NRXN3: variants seen among roughly 807,000 people sequenced by gnomAD.
The protein encoded by NRXN3 is neurexin III.
NRXN3 carries 32 observed loss-of-function variants against 137.6 expected under a neutral mutation model. That is an observed-to-expected ratio of 0.23 (90% CI 0.18 to 0.31). The LOEUF (loss-of-function observed/expected upper bound fraction) is 0.31. Among genes scored for constraint, NRXN3 ranks in the 10% least tolerant of loss-of-function variants. NRXN3 has a pLI of 1.00. For missense variants in NRXN3, 1,574 were observed against 2,062.5 expected (o/e 0.76, Z 4.59); for synonymous variants, 798 against 784.5 (o/e 1.02, Z -0.29).
intron 15 of NRXN3, chr14:79,280,099 C>A (rs905581826): frequency 2.3e-6 from 3 of 1,301,654 alleles, no homozygotes; most frequent in Non-Finnish European, 2.0e-6. Context: ...TGCCTTTTAT[C>A]TTTTTTTTTT....
chr14:78,335,570 A>T (rs1223627922), intron 4 of NRXN3, among the ~76,000 whole-genome samples: 1 of 152,246 alleles, frequency 6.6e-6, no homozygotes, highest in Non-Finnish European at 1.5e-5. Flanking sequence ...TTAGTTCAAA[A>T]GCTTTGATTA....
At chr14:78,354,562 A>G (rs971355319) in intron 4 of NRXN3, among the ~76,000 whole-genome samples, 1 of 152,156 alleles carries the variant, frequency 6.6e-6, no homozygotes, top group Non-Finnish European at 1.5e-5. Flanking sequence ...ACAATCTCGA[A>G]TGATCATTGG....
intron 15 of NRXN3, among the ~76,000 whole-genome samples, chr14:79,268,647 A>T (rs1462320056): frequency 6.6e-6 from 1 of 152,198 alleles, no homozygotes; most frequent in African/African-American, 2.4e-5. Context: ...TGCACACATA[A>T]ATTGCATAGG....
At chr14:78,865,415 GA>G (rs1417181798) in intron 10 of NRXN3, among the ~76,000 whole-genome samples, 1 of 152,052 alleles carries the variant, frequency 6.6e-6, no homozygotes, top group East Asian at 1.9e-4. Context: ...ACAGAATTTT[GA>G]AAAATGCAAG....
chr14:79,308,093 G>T (rs2086440535), intron 15 of NRXN3, among the ~76,000 whole-genome samples: 1 of 152,004 alleles, frequency 6.6e-6, no homozygotes, highest in African/African-American at 2.4e-5. Flanking sequence ...TGAGGCTCAT[G>T]CATCTGAGCT....
At chr14:78,938,848 C>CTTT (rs1255540319) in intron 10 of NRXN3, among the ~76,000 whole-genome samples, 8 of 132,022 alleles carry the variant, frequency 6.1e-5, no homozygotes, top group South Asian at 2.5e-4. Flanking sequence ...AGTGATTTTT[C>CTTT]TTTTTTTTTT....
In NRXN3 at chr14:78,714,784, G is replaced by A. The variant is rs768400919; in HGVS notation, c.1689G>A (p.Thr563=). The stretch of plus-strand genomic sequence containing the variant: ...CTATATCAGTGAACAGCAGGCGCAC[G>A]CCATTCACCGCCAGTGGGGAGAGCG... ...SGTISVNSRR[T]PFTASGESEI... The change falls in exon 8 of 21, where the codon ACG becomes ACA. Residue 563 remains threonine, a synonymous_variant. Coordinates refer to ENST00000335750, the MANE Select transcript of NRXN3 (RefSeq NM_001330195.2). 12 of 1,613,926 alleles carry A rather than the reference G, an allele frequency of 7.4e-6. No homozygotes were observed. Among genetic ancestry groups the A allele is most frequent in the African/African-American group, 5.3e-5 (4 of 74,918 alleles).
chr14:79,135,845 A>G (rs2058167651), intron 15 of NRXN3, among the ~76,000 whole-genome samples: 1 of 152,224 alleles, frequency 6.6e-6, no homozygotes, highest in African/African-American at 2.4e-5. Context: ...AAGGCATGTC[A>G]GTTTTCTAAG....
At chr14:78,807,847 C>A (rs1293248806) in intron 9 of NRXN3, among the ~76,000 whole-genome samples, 1 of 151,582 alleles carries the variant, frequency 6.6e-6, no homozygotes, top group Admixed American at 6.6e-5. Context: ...AGGCAACACA[C>A]AGATATGAAC....
At chr14:78,303,705 T>G (rs2077092700) in intron 4 of NRXN3, among the ~76,000 whole-genome samples, 1 of 152,284 alleles carries the variant, frequency 6.6e-6, no homozygotes, top group Non-Finnish European at 1.5e-5. Context: ...GCCTTTGGAC[T>G]TTTGCTAAAG....
chr14:78,956,233 C>A (rs1597865503), intron 10 of NRXN3, among the ~76,000 whole-genome samples: 1 of 152,196 alleles, frequency 6.6e-6, no homozygotes, highest in Non-Finnish European at 1.5e-5. Flanking sequence ...CTACAAAGAG[C>A]AAACTTGGTC....
At chr14:79,437,517 T>C (rs2095864149) in intron 15 of NRXN3, among the ~76,000 whole-genome samples, 1 of 152,176 alleles carries the variant, frequency 6.6e-6, no homozygotes. Context: ...TGCAGTGTCT[T>C]CTCAGGTAAC....
intron 10 of NRXN3, among the ~76,000 whole-genome samples, chr14:78,917,485 T>C (rs1029041010): frequency 1.3e-5 from 2 of 152,206 alleles, no homozygotes; most frequent in Non-Finnish European, 2.9e-5. Context: ...GAAAGAAGCC[T>C]TATACAGAGG....
intron 15 of NRXN3, among the ~76,000 whole-genome samples, chr14:79,289,346 C>T (rs549787559): frequency 1.4e-4 from 21 of 152,262 alleles, no homozygotes; most frequent in South Asian, 2.1e-4. Flanking sequence ...ATTGGCTGGG[C>T]GCAGTGGCTC....
intron 6 of NRXN3, among the ~76,000 whole-genome samples, chr14:78,657,823 T>G (rs935024616): frequency 6.6e-6 from 1 of 152,222 alleles, no homozygotes; most frequent in African/African-American, 2.4e-5. Context: ...GATAATGTGT[T>G]TGTTGTTGCT....
chr14:79,412,748 A>AC (rs1465698059), intron 15 of NRXN3, among the ~76,000 whole-genome samples: 3 of 126,732 alleles, frequency 2.4e-5, no homozygotes, highest in African/African-American at 9.1e-5. Flanking sequence ...ACACCACTGC[A>AC]CTCCAGCCTG....
chr14:79,673,872 T>G (rs921931246), intron 17 of NRXN3, among the ~76,000 whole-genome samples: 1 of 152,044 alleles, frequency 6.6e-6, no homozygotes, highest in Non-Finnish European at 1.5e-5. Context: ...GGGGTAGATA[T>G]TACTGTTATC....
At chr14:79,071,497 G>A (rs1232188434) in intron 15 of NRXN3, among the ~76,000 whole-genome samples, 2 of 152,124 alleles carry the variant, frequency 1.3e-5, no homozygotes, top group Non-Finnish European at 2.9e-5. Flanking sequence ...CTTTTGTCAT[G>A]TATCTTCATA....
chr14:79,861,017 TTC>T lies in NRXN3; in HGVS notation c.4094-323_4094-322del. ...TTGTTTACAAATATACTAATTGTTTTTCTTTTTCTTTTCCATCCCAGGAGGTG... is the reference window on the plus strand; with the variant it reads ...TTGTTTACAAATATACTAATTGTTTTTTTTTCTTTTCCATCCCAGGAGGTG... On this transcript the variant is annotated intron_variant, in intron 20 of 20. Coordinates refer to ENST00000335750, the MANE Select transcript of NRXN3 (RefSeq NM_001330195.2). The surrounding 1 kb of genome is among the most constrained non-coding windows in gnomAD (Gnocchi z 5.4). 1 of 1,365,922 alleles carries T rather than the reference TTC, an allele frequency of 7.3e-7. No individual in the cohort carries two copies. Among genetic ancestry groups the T allele is most frequent in the Non-Finnish European group, 9.5e-7 (1 of 1,047,806 alleles). 84.6% of individuals were successfully genotyped at this position (1,365,922 alleles called of 1,614,324 possible). A position where few individuals can be genotyped will look rare whatever the true frequency, so the allele number is the denominator to read the frequency against.
Sources: allele counts gnomAD v4.1 joint callset (sites outside exome capture counted in the v4.1 genomes callset), GRCh38; gene constraint gnomAD v4.1.1; non-coding constraint Gnocchi (gnomAD v3.1); transcripts MANE v1.5; gene names NCBI Gene and HGNC (gene_info 2026-07-23, HGNC 2026-07-21).